Variants in AGBL1 observed in about 807,000 individuals in gnomAD.
The protein encoded by AGBL1 is cytosolic carboxypeptidase 4.
A neutral mutation model predicts 118.9 loss-of-function variants in AGBL1; 130 were observed. The ratio of observed to expected loss-of-function variants is 1.09; its 90% CI spans 0.95 to 1.26. The LOEUF (loss-of-function observed/expected upper bound fraction) is 1.26. AGBL1 is among the 50% of genes most tolerant of loss of function. The pLI, the probability that AGBL1 is intolerant of heterozygous loss-of-function variation, is 0.00. For synonymous variants in AGBL1, 555 were observed against 478.9 expected, an observed-to-expected ratio of 1.16 and a Z score of -2.08; for missense variants, 1,584 against 1,298.1, an observed-to-expected ratio of 1.22 and a Z score of -3.38.
chr15:86,408,901 A>G (rs2081573318), intron 18 of AGBL1, among the ~76,000 whole-genome samples: 1 of 152,192 alleles, frequency 6.6e-6, no homozygotes, highest in South Asian at 2.1e-4. Flanking sequence ...GAAAAAAAGT[A>G]GGGGTGGAGG....
intron 24 of AGBL1, among the ~76,000 whole-genome samples, chr15:87,014,299 T>C (rs1207998989): frequency 6.6e-6 from 1 of 152,216 alleles, no homozygotes; most frequent in Non-Finnish European, 1.5e-5. Flanking sequence ...AAAAATTGCA[T>C]TCTTATTTCA....
chr15:86,776,081 A>G (rs2078251387), intron 22 of AGBL1, among the ~76,000 whole-genome samples: 1 of 152,162 alleles, frequency 6.6e-6, no homozygotes, highest in African/African-American at 2.4e-5. Flanking sequence ...AGTGGTCATC[A>G]ATCATTTTCC....
chr15:86,378,843 G>A (rs568812087), intron 17 of AGBL1, among the ~76,000 whole-genome samples: 62 of 152,112 alleles, frequency 4.1e-4, no homozygotes, highest in African/African-American at 1.3e-3. Flanking sequence ...CTGGACGCTT[G>A]CTTTCAGTGC....
intron 21 of AGBL1, among the ~76,000 whole-genome samples, chr15:86,616,378 A>T (rs1357807234): frequency 6.6e-6 from 1 of 151,648 alleles, no homozygotes; most frequent in Non-Finnish European, 1.5e-5. Context: ...AAAAATGAAG[A>T]TGGAAAACTT....
rs570021700 is a variant in AGBL1 at position 86,298,360 on chromosome 15, A to T, written c.2374+2952A>T. Among the ~76,000 whole-genome samples the T allele has an allele frequency of 2.1e-3, 276 of 131,182 alleles. 1 individual carries two copies. Among genetic ancestry groups the T allele is most frequent in the African/African-American group, 7.0e-3 (251 of 36,076 alleles). The allele number at this position is 131,182 out of a possible 152,430, so 86.1% of individuals were successfully genotyped here. A position where few individuals can be genotyped will look rare whatever the true frequency, so the allele number is the denominator to read the frequency against. ...ACTATATATATATGAATATATTCTT[A>T]TATATATATGAATATATTCTTATAT... On this transcript the variant is annotated intron_variant, in intron 17 of 22. Coordinates refer to ENST00000614907, the MANE Select transcript of AGBL1 (RefSeq NM_001386094.1).
intron 1 of AGBL1, among the ~76,000 whole-genome samples, chr15:86,122,756 G>A (rs1898161930): frequency 6.6e-6 from 1 of 152,144 alleles, no homozygotes; most frequent in Admixed American, 6.6e-5. Flanking sequence ...CTTCCTCTTG[G>A]CCAAGAGCCT....
At chr15:86,967,962 A>G (rs1025887266) in intron 23 of AGBL1, among the ~76,000 whole-genome samples, 2 of 152,090 alleles carry the variant, frequency 1.3e-5, no homozygotes, top group Admixed American at 6.6e-5. Flanking sequence ...CCATGAGCAT[A>G]GAATGTTCTT....
In AGBL1 at chr15:86,499,943, G is replaced by C. The variant is rs530395150; in HGVS notation, c.2556-22867G>C. Among the ~76,000 whole-genome samples, 66 of 151,864 alleles carry C rather than the reference G, an allele frequency of 4.3e-4. 1 individual carries two copies. In the South Asian group the frequency reaches 0.012, roughly 29 times the overall value. On this transcript the variant is annotated intron_variant, in intron 18 of 22. Transcript: ENST00000614907. ...TAACTAACATCACATCATAGCATCAGGGAAGTCACCTGTGAATACCTAGCA... is the reference window on the plus strand; with the variant it reads ...TAACTAACATCACATCATAGCATCACGGAAGTCACCTGTGAATACCTAGCA...
intron 22 of AGBL1, among the ~76,000 whole-genome samples, chr15:86,706,479 G>T (rs1430724232): frequency 1.3e-5 from 2 of 152,082 alleles, no homozygotes; most frequent in Non-Finnish European, 2.9e-5. Context: ...GGTAATCACT[G>T]CTAACCTTCT....
chr15:86,914,512 G>A lies in AGBL1; in HGVS notation c.*7218G>A, dbSNP rs1238171071. ...ATGCTCCCTCCACTTCCCCAGAGGAGGTGAATATGAACCATAACACAGTTA... is the reference window on the plus strand; with the variant it reads ...ATGCTCCCTCCACTTCCCCAGAGGAAGTGAATATGAACCATAACACAGTTA... On this transcript the variant is annotated 3_prime_UTR_variant, in exon 23 of 23. Coordinates refer to ENST00000614907, the MANE Select transcript of AGBL1 (RefSeq NM_001386094.1). 1 of 152,156 alleles carries A rather than the reference G, an allele frequency of 6.6e-6. No homozygotes were observed. Among genetic ancestry groups the A allele is most frequent in the Non-Finnish European group, 1.5e-5 (1 of 68,034 alleles). The allele number at this position is 152,156 out of a possible 1,614,324, so 9.4% of individuals were successfully genotyped here. A position where few individuals can be genotyped will look rare whatever the true frequency, so the allele number is the denominator to read the frequency against.
chr15:87,021,268 G>A (rs1596749980), intron 24 of AGBL1, among the ~76,000 whole-genome samples: 2 of 152,084 alleles, frequency 1.3e-5, no homozygotes, highest in East Asian at 3.9e-4. Flanking sequence ...AATAAATGGT[G>A]GTGGAAGAAC....
At chr15:86,107,685 A>G (rs1897130631) in intron 1 of AGBL1, 1 of 152,206 alleles carries the variant, frequency 6.6e-6, no homozygotes, top group Non-Finnish European at 1.5e-5. Context: ...TGGGAGGATA[A>G]ACATTTGTAC....
At chr15:86,260,475 C>T (rs150226796) in intron 9 of AGBL1, among the ~76,000 whole-genome samples, 1 of 152,200 alleles carries the variant, frequency 6.6e-6, no homozygotes, top group Non-Finnish European at 1.5e-5. Flanking sequence ...CTGACAAACT[C>T]TGAAGAGGAG....
chr15:86,126,714 T>C (rs1414320484), intron 1 of AGBL1, among the ~76,000 whole-genome samples: 2 of 152,232 alleles, frequency 1.3e-5, no homozygotes, highest in African/African-American at 2.4e-5. Context: ...ATTTGATTCT[T>C]TGGAAATGAA....
intron 18 of AGBL1, among the ~76,000 whole-genome samples, chr15:86,477,401 T>A (rs1729072082): frequency 1.3e-5 from 2 of 152,154 alleles, no homozygotes; most frequent in South Asian, 4.1e-4. Context: ...AAAGGGGATA[T>A]CACCACCGAT....
intron 21 of AGBL1, among the ~76,000 whole-genome samples, chr15:86,638,507 G>A (rs1482253985): frequency 6.6e-6 from 1 of 152,146 alleles, no homozygotes; most frequent in African/African-American, 2.4e-5. Flanking sequence ...GGACCAAGCA[G>A]TTGCTCTGGT....
chr15:86,736,835 C>A (rs994162786), intron 22 of AGBL1, among the ~76,000 whole-genome samples: 1 of 152,090 alleles, frequency 6.6e-6, no homozygotes, highest in South Asian at 2.1e-4. Context: ...CTCCCTTCAG[C>A]CTCTTATTTT....
At chr15:87,029,853 C>G (rs1379350156), downstream of AGBL1, among the ~76,000 whole-genome samples, 1 of 151,768 alleles carries the variant, frequency 6.6e-6, no homozygotes, top group South Asian at 2.1e-4. Context: ...ACAAAAGCCA[C>G]AAAACTAAAA....
chr15:86,157,465 T>TA (rs2077208077), intron 4 of AGBL1, among the ~76,000 whole-genome samples: 1 of 152,178 alleles, frequency 6.6e-6, no homozygotes, highest in Admixed American at 6.5e-5. Context: ...ATATAATGGT[T>TA]ATGGAGATTT....
Sources: allele counts gnomAD v4.1 joint callset (sites outside exome capture counted in the v4.1 genomes callset), GRCh38; gene constraint gnomAD v4.1.1; transcripts MANE v1.5; gene names NCBI Gene and HGNC (gene_info 2026-07-23, HGNC 2026-07-21).